Variants in MCPH1 observed in about 807,000 individuals in gnomAD.
MCPH1 encodes microcephalin 1.
In MCPH1, 104 loss-of-function variants were observed where a neutral mutation model predicts 84.5. The ratio of observed to expected loss-of-function variants is 1.23; its 90% confidence interval spans 1.05 to 1.45. The LOEUF (loss-of-function observed/expected upper bound fraction) is 1.45, where lower values mean the gene tolerates loss of function less well. MCPH1 is among the 40% of genes most tolerant of loss of function. The pLI, the probability that MCPH1 is intolerant of heterozygous loss-of-function variation, is 0.00. For synonymous variants in MCPH1, 514 were observed against 366.8 expected (o/e 1.40, Z -4.58); for missense variants, 1,498 against 1,005.7 (o/e 1.49, Z -6.62).
At chr8:6,537,641 A>T (rs1820752365) in intron 12 of MCPH1, among the ~76,000 whole-genome samples, 1 of 152,042 alleles carries the variant, frequency 6.6e-6, no homozygotes, top group South Asian at 2.1e-4. Context: ...TTGAATGATC[A>T]AATTTGACAG....
chr8:6,535,510 G>A (rs1820317390), intron 12 of MCPH1, among the ~76,000 whole-genome samples: 2 of 152,130 alleles, frequency 1.3e-5, no homozygotes, highest in Admixed American at 6.5e-5. Context: ...GCTAATGTGT[G>A]TCCATTTATG....
At chr8:6,471,663 G>C (rs1041946761) in intron 9 of MCPH1, among the ~76,000 whole-genome samples, 1 of 152,126 alleles carries the variant, frequency 6.6e-6, no homozygotes, top group African/African-American at 2.4e-5. Context: ...TTGATCTTGG[G>C]TTAGCAGTCT....
intron 12 of MCPH1, among the ~76,000 whole-genome samples, chr8:6,599,927 C>CA (rs1336867676): frequency 6.6e-6 from 1 of 152,126 alleles, no homozygotes; most frequent in African/African-American, 2.4e-5. Context: ...ATTACTAATT[C>CA]AAAAGTAACC....
chr8:6,514,186 C>G (rs893666012), intron 12 of MCPH1, among the ~76,000 whole-genome samples: 10 of 152,074 alleles, frequency 6.6e-5, no homozygotes, highest in African/African-American at 2.4e-4. Flanking sequence ...TAAAAATAAG[C>G]TAAGTAGTGG....
At chr8:6,493,497 T>C (rs938936058) in intron 11 of MCPH1, among the ~76,000 whole-genome samples, 22 of 152,252 alleles carry the variant, frequency 1.4e-4, no homozygotes, top group African/African-American at 5.3e-4. Context: ...TAGTACTTTA[T>C]TGCTTATCTT....
intron 12 of MCPH1, among the ~76,000 whole-genome samples, chr8:6,620,655 C>T (rs541825890): frequency 8.5e-5 from 13 of 152,144 alleles, no homozygotes; most frequent in African/African-American, 3.1e-4. Context: ...CAAAACAAAA[C>T]GTGGATGGCA....
intron 12 of MCPH1, among the ~76,000 whole-genome samples, chr8:6,523,881 C>T (rs950262808): frequency 2.9e-5 from 4 of 139,740 alleles, no homozygotes; most frequent in Non-Finnish European, 6.0e-5. Context: ...GCCACCGTGC[C>T]TGGCTGGCAT....
At chr8:6,559,022 A>G (rs1191557312) in intron 12 of MCPH1, among the ~76,000 whole-genome samples, 1 of 152,156 alleles carries the variant, frequency 6.6e-6, no homozygotes, top group Non-Finnish European at 1.5e-5. Context: ...CTATATAGTA[A>G]TACTAACACT....
intron 13 of MCPH1, among the ~76,000 whole-genome samples, chr8:6,623,457 C>G (rs556276469): frequency 1.3e-5 from 2 of 152,078 alleles, no homozygotes; most frequent in Admixed American, 6.5e-5. Context: ...TTTTGCATGT[C>G]TCTAAATCCT....
intron 13 of MCPH1, among the ~76,000 whole-genome samples, chr8:6,632,802 C>G (rs1304576233): frequency 7.5e-5 from 11 of 146,498 alleles, no homozygotes; most frequent in South Asian, 2.1e-4. Flanking sequence ...GAGTGAGACT[C>G]TGTCTAAGAA....
At chr8:6,561,264 G>A (rs1315113912) in intron 12 of MCPH1, among the ~76,000 whole-genome samples, 1 of 152,238 alleles carries the variant, frequency 6.6e-6, no homozygotes, top group Non-Finnish European at 1.5e-5. Context: ...GACATTGCTA[G>A]TGAGTTTTAT....
chr8:6,517,278 TA>T (rs1231201214), intron 12 of MCPH1, among the ~76,000 whole-genome samples: 1 of 152,194 alleles, frequency 6.6e-6, no homozygotes, highest in Non-Finnish European at 1.5e-5. Context: ...TATCTTTCTA[TA>T]AAGCTTGATG....
intron 3 of MCPH1, among the ~76,000 whole-genome samples, chr8:6,419,224 G>C (rs1416182642): frequency 1.3e-5 from 2 of 149,860 alleles, no homozygotes; most frequent in Non-Finnish European, 3.0e-5. Flanking sequence ...GACAGTATTT[G>C]TTTTTGTTTT....
chr8:6,562,552 C>CTTTTTTTCATTTTTTTTTTTT (rs1825704138), intron 12 of MCPH1: 1 of 71,748 alleles, frequency 1.4e-5, no homozygotes, highest in African/African-American at 6.3e-5. Context: ...CATCCTCCTT[C>CTTTTTTTCATTTTTTTTTTTT]TTTTTTTTTT....
intron 8 of MCPH1, chr8:6,445,902 C>G (rs114448259): frequency 3.0e-5 from 30 of 1,007,230 alleles, no homozygotes; most frequent in Non-Finnish European, 3.3e-5. Flanking sequence ...AAGATGTATA[C>G]GATAGAGAGT....
chr8:6,488,503 A>T lies in MCPH1; in HGVS notation c.2136+7627A>T, dbSNP rs541195340. 4.5e-4 allele frequency among the ~76,000 whole-genome samples: 68 copies of T among 152,322 alleles called. 1 individual carries two copies. The highest frequency in any genetic ancestry group is 1.6e-3 in the African/African-American group (65 of 41,568). ...GAGATGCAACCACAGGCTTGATTAG[A>T]AATAAAGTTTGATCACCATTTTCAA... On this transcript the variant is annotated intron_variant, in intron 11 of 13. Coordinates refer to ENST00000344683, the MANE Select transcript of MCPH1 (RefSeq NM_024596.5).
chr8:6,421,957 G>C (rs113144022), intron 3 of MCPH1, among the ~76,000 whole-genome samples: 45 of 152,310 alleles, frequency 3.0e-4, no homozygotes, highest in African/African-American at 1.1e-3. Flanking sequence ...CAGTTTTGTA[G>C]TCAGCTCCTT....
chr8:6,579,520 G>A (rs1308376473), intron 12 of MCPH1, among the ~76,000 whole-genome samples: 1 of 152,186 alleles, frequency 6.6e-6, no homozygotes, highest in Non-Finnish European at 1.5e-5. Flanking sequence ...GCGTTCTAAT[G>A]AAAAGTGCTT....
At chr8:6,537,352 G>C (rs912389756) in intron 12 of MCPH1, among the ~76,000 whole-genome samples, 2 of 151,878 alleles carry the variant, frequency 1.3e-5, no homozygotes, top group African/African-American at 4.8e-5. Flanking sequence ...TGGGGCCTTG[G>C]GCTGTTCTTC....
Sources: gnomAD v4.1 joint callset for allele counts (sites outside exome capture counted in the v4.1 genomes callset) on GRCh38, gnomAD v4.1.1 for gene constraint, MANE v1.5 for transcripts, NCBI Gene and HGNC (gene_info 2026-07-23, HGNC 2026-07-21) for gene names.